PXDNL: variants seen among roughly 807,000 people sequenced by gnomAD.
PXDNL encodes the protein probable oxidoreductase PXDNL.
In PXDNL, 145 loss-of-function variants were observed where a neutral mutation model predicts 150.8. That is an observed-to-expected ratio of 0.96 (90% confidence interval 0.84 to 1.10). PXDNL has a LOEUF of 1.10. PXDNL is among the 50% of genes least tolerant of loss of function. The pLI, the probability that PXDNL is intolerant of heterozygous loss-of-function variation, is 0.00. For synonymous variants in PXDNL, 757 were observed against 725.7 expected, an observed-to-expected ratio of 1.04 and a Z score of -0.69; for missense variants, 2,087 against 1,873.9, an observed-to-expected ratio of 1.11 and a Z score of -2.10.
At chr8:51,350,147 A>G (rs1464968869) in intron 19 of PXDNL, among the ~76,000 whole-genome samples, 1 of 151,984 alleles carries the variant, frequency 6.6e-6, no homozygotes, top group Non-Finnish European at 1.5e-5. Flanking sequence ...GAGAAAGAAA[A>G]AAAGCTTCCT....
intron 4 of PXDNL, among the ~76,000 whole-genome samples, chr8:51,526,710 A>G (rs4501569): frequency 0.22 from 33,361 of 152,072 alleles, 4,332 homozygotes; most frequent in African/African-American, 0.35. Context: ...GGCATTTGGC[A>G]TGGAGTGGGA....
intron 4 of PXDNL, among the ~76,000 whole-genome samples, chr8:51,509,678 C>T (rs577166979): frequency 9.2e-5 from 14 of 151,546 alleles, no homozygotes; most frequent in African/African-American, 2.2e-4. Flanking sequence ...CACATTCCCA[C>T]GTCCTGGCAC....
intron 1 of PXDNL, among the ~76,000 whole-genome samples, chr8:51,785,177 A>T (rs1474303850): frequency 5.3e-5 from 8 of 151,558 alleles, no homozygotes; most frequent in African/African-American, 1.7e-4. Flanking sequence ...ACTTGTCCTC[A>T]CTCTAACTCC....
intron 1 of PXDNL, among the ~76,000 whole-genome samples, chr8:51,688,333 T>A (rs1229257552): frequency 6.6e-6 from 1 of 151,930 alleles, no homozygotes; most frequent in Admixed American, 6.6e-5. Flanking sequence ...TAAGAATTTT[T>A]AAAAAAAGAA....
intron 19 of PXDNL, among the ~76,000 whole-genome samples, chr8:51,368,891 G>A (rs1248793591): frequency 1.3e-5 from 2 of 152,154 alleles, no homozygotes; most frequent in Admixed American, 1.3e-4. Flanking sequence ...AGCTACTCAG[G>A]AGGCTGAGGC....
At chr8:51,666,006 C>T (rs544858213) in intron 1 of PXDNL, among the ~76,000 whole-genome samples, 20 of 152,266 alleles carry the variant, frequency 1.3e-4, no homozygotes, top group Admixed American at 1.0e-3. Flanking sequence ...TCTCTTACAC[C>T]GATATTTGGA....
intron 22 of PXDNL, among the ~76,000 whole-genome samples, chr8:51,320,538 C>T (rs1196595750): frequency 6.6e-5 from 10 of 152,140 alleles, no homozygotes; most frequent in Admixed American, 6.5e-4. Context: ...GCCTTGGTTC[C>T]CTCGTCCATC....
At chr8:51,345,382 A>T (rs1294619975) in intron 20 of PXDNL, among the ~76,000 whole-genome samples, 1 of 151,814 alleles carries the variant, frequency 6.6e-6, no homozygotes, top group East Asian at 1.9e-4. Context: ...CAATTTTCTA[A>T]GAGTTCAAAA....
At chr8:51,654,901 T>A in intron 1 of PXDNL, 141 bp from the exon 2 acceptor site, 1 of 681,892 alleles carries the variant, frequency 1.5e-6, no homozygotes, top group African/African-American at 1.8e-5. Flanking sequence ...ACAGAACTAG[T>A]GCACATCATA....
chr8:51,538,809 C>T (rs893113555), intron 4 of PXDNL, among the ~76,000 whole-genome samples: 2 of 152,086 alleles, frequency 1.3e-5, no homozygotes, highest in African/African-American at 2.4e-5. Context: ...GTTGGAGACA[C>T]TTTACTGTCT....
chr8:51,596,295 A>G (rs1274946403), intron 2 of PXDNL, among the ~76,000 whole-genome samples: 1 of 152,162 alleles, frequency 6.6e-6, no homozygotes, highest in Middle Eastern at 3.2e-3. Flanking sequence ...TATCCAGTCT[A>G]CCACTGATGA....
At chr8:51,504,353 C>T (rs557918460) in intron 4 of PXDNL, among the ~76,000 whole-genome samples, 1 of 152,134 alleles carries the variant, frequency 6.6e-6, no homozygotes, top group African/African-American at 2.4e-5. Flanking sequence ...TCCAGTATCC[C>T]CTTTATCCCC....
chr8:51,438,751 G>A (rs1352742927), intron 12 of PXDNL, among the ~76,000 whole-genome samples: 1 of 152,034 alleles, frequency 6.6e-6, no homozygotes, highest in Non-Finnish European at 1.5e-5. Flanking sequence ...ACAGAATAGA[G>A]AACCCAGAAA....
chr8:51,661,234 G>A (rs966781360), intron 1 of PXDNL, among the ~76,000 whole-genome samples: 1 of 152,118 alleles, frequency 6.6e-6, no homozygotes, highest in African/African-American at 2.4e-5. Flanking sequence ...CGAATCTCCA[G>A]TGCACTTCCT....
intron 4 of PXDNL, among the ~76,000 whole-genome samples, chr8:51,531,016 A>C (rs1811889725): frequency 6.6e-6 from 1 of 152,226 alleles, no homozygotes; most frequent in Non-Finnish European, 1.5e-5. Context: ...TAAATGAATG[A>C]ATTGTAAACA....
intron 4 of PXDNL, among the ~76,000 whole-genome samples, chr8:51,501,508 ACT>A (rs1414108211): frequency 6.6e-6 from 1 of 151,798 alleles, no homozygotes; most frequent in Non-Finnish European, 1.5e-5. Flanking sequence ...ACTCGTGCAC[ACT>A]CACACTTGTT....
chr8:51,613,486 G>T (rs1814064212), intron 2 of PXDNL, among the ~76,000 whole-genome samples: 1 of 84,416 alleles, frequency 1.2e-5, no homozygotes, highest in Non-Finnish European at 3.1e-5. Flanking sequence ...TAAGGGGGCG[G>T]GGGGGGGGCA....
At chr8:51,775,504 GC>G (rs902530798) in intron 1 of PXDNL, among the ~76,000 whole-genome samples, 10 of 152,140 alleles carry the variant, frequency 6.6e-5, no homozygotes, top group Non-Finnish European at 1.5e-5. Context: ...ACTAGCTGAA[GC>G]CATGGCAGAA....
chr8:51,670,345 T>C, intron 1 of PXDNL, among the ~76,000 whole-genome samples: 1 of 152,206 alleles, frequency 6.6e-6, no homozygotes, highest in East Asian at 1.9e-4. Context: ...AAATATGTTG[T>C]TCGATGATTT....
Sources: gnomAD v4.1 joint callset for allele counts (sites outside exome capture counted in the v4.1 genomes callset) on GRCh38, gnomAD v4.1.1 for gene constraint, MANE v1.5 for transcripts, NCBI Gene and HGNC (gene_info 2026-07-23, HGNC 2026-07-21) for gene names.